The following CEP63 variants were observed in gnomAD, a reference collection of about 807,000 sequenced individuals.
CEP63 encodes centrosomal protein of 63 kDa.
Under a neutral mutation model 89.1 loss-of-function variants are expected in CEP63, and 84 were observed. The observed-to-expected ratio is 0.94, with a 90% CI of 0.79 to 1.13. CEP63 has a LOEUF of 1.13. Among genes scored for constraint, CEP63 ranks in the 50% most tolerant of loss-of-function variants. The probability of loss-of-function intolerance (pLI) is 0.00; values close to 1 mark genes in which losing one functional copy is unlikely to be tolerated. For missense variants in CEP63, 838 were observed against 813.3 expected (o/e 1.03, Z -0.37); for synonymous variants, 267 against 272.5 (o/e 0.98, Z 0.20).
chr3:134,668,184 A>G, the CEP63 span, among the ~76,000 whole-genome samples: 1 of 152,154 alleles, frequency 6.6e-6, no homozygotes, highest in Non-Finnish European at 1.5e-5. Context: ...AATACTTGGA[A>G]CTGGAAGTGT....
chr3:134,560,636 T>G (rs910552643), intron 14 of CEP63, among the ~76,000 whole-genome samples: 5 of 152,164 alleles, frequency 3.3e-5, no homozygotes, highest in African/African-American at 1.2e-4. Flanking sequence ...AGTTACCACT[T>G]CTGAACCTCA....
chr3:134,767,791 G>T, the CEP63 span, among the ~76,000 whole-genome samples: 1 of 152,216 alleles, frequency 6.6e-6, no homozygotes, highest in South Asian at 2.1e-4. Context: ...TGTGCCAGGT[G>T]CCATGCTCTG....
At chr3:134,508,869 T>C (rs1177489838) in intron 3 of CEP63, among the ~76,000 whole-genome samples, 1 of 152,178 alleles carries the variant, frequency 6.6e-6, no homozygotes, top group Non-Finnish European at 1.5e-5. Context: ...TGAAAGTTGA[T>C]TAAGTTTCTA....
chr3:134,649,908 G>A, the CEP63 span, among the ~76,000 whole-genome samples: 1 of 152,210 alleles, frequency 6.6e-6, no homozygotes, highest in East Asian at 1.9e-4. Flanking sequence ...GGGGAGGAGA[G>A]AGGCAGAAGT....
the CEP63 span, chr3:134,603,615 G>C: frequency 6.2e-7 from 1 of 1,600,348 alleles, no homozygotes; most frequent in Non-Finnish European, 8.5e-7. Flanking sequence ...GGATGTAGGA[G>C]TAGAAATTGT....
At chr3:134,602,489 G>A in the CEP63 span, among the ~76,000 whole-genome samples, 4 of 152,186 alleles carry the variant, frequency 2.6e-5, no homozygotes, top group African/African-American at 9.7e-5. Flanking sequence ...CTGCTCTCGT[G>A]CAGCTGGAAT....
the CEP63 span, among the ~76,000 whole-genome samples, chr3:134,707,057 G>T: frequency 2.6e-5 from 4 of 152,176 alleles, no homozygotes; most frequent in African/African-American, 7.2e-5. Context: ...GGTACTGGGG[G>T]TTAGGACTTG....
At chr3:134,682,639 A>T in the CEP63 span, among the ~76,000 whole-genome samples, 1 of 152,216 alleles carries the variant, frequency 6.6e-6, no homozygotes, top group Non-Finnish European at 1.5e-5. Flanking sequence ...CACCCACACA[A>T]GCAACCATTC....
chr3:134,760,235 T>C, the CEP63 span, among the ~76,000 whole-genome samples: 1 of 151,828 alleles, frequency 6.6e-6, no homozygotes, highest in Admixed American at 6.6e-5. Flanking sequence ...ATTTTTTGTA[T>C]TTTTTAGTAG....
chr3:134,683,154 C>G, the CEP63 span, among the ~76,000 whole-genome samples: 5 of 152,218 alleles, frequency 3.3e-5, no homozygotes, highest in Non-Finnish European at 5.9e-5. Flanking sequence ...AATGACATAT[C>G]TGCACCATGA....
chr3:134,748,127 G>A, the CEP63 span, among the ~76,000 whole-genome samples: 1 of 152,144 alleles, frequency 6.6e-6, no homozygotes, highest in Non-Finnish European at 1.5e-5. Context: ...GGGGTAGGGT[G>A]GGAGTTAGGG....
downstream of CEP63, among the ~76,000 whole-genome samples, chr3:134,590,911 A>ATC (rs1334429086): frequency 6.6e-6 from 1 of 152,160 alleles, no homozygotes; most frequent in Non-Finnish European, 1.5e-5. Flanking sequence ...GACTGTGTTC[A>ATC]TCCTGCTCAC....
the CEP63 span, among the ~76,000 whole-genome samples, chr3:134,626,053 A>G: frequency 2.0e-5 from 3 of 152,358 alleles, no homozygotes; most frequent in South Asian, 2.1e-4. Context: ...GTCCCGGCCC[A>G]GAAGAGAGCC....
chr3:134,657,795 G>A, the CEP63 span, among the ~76,000 whole-genome samples: 1 of 152,162 alleles, frequency 6.6e-6, no homozygotes, highest in South Asian at 2.1e-4. Context: ...CATTAGCTGT[G>A]TATGTCAACC....
chr3:134,554,554 G>A (rs1195917191), intron 12 of CEP63, among the ~76,000 whole-genome samples: 4 of 149,762 alleles, frequency 2.7e-5, no homozygotes, highest in African/African-American at 9.8e-5. Flanking sequence ...ACGTGTGCAT[G>A]TGTCTTTATA....
chr3:134,700,261 C>A, the CEP63 span, among the ~76,000 whole-genome samples: 1 of 152,200 alleles, frequency 6.6e-6, no homozygotes, highest in African/African-American at 2.4e-5. Context: ...CCATTCCTGC[C>A]GCGCTGGCCC....
Position 134,495,382 on chromosome 3 carries a change from A to T in CEP63, c.44+18A>T, listed in dbSNP as rs142116811. Reference sequence around the variant, plus strand: ...CATGGTGGGTAAGTTTGCTTTTTTTAAAATTAATTTTTTTGGTTAATACAT... The same window carrying T: ...CATGGTGGGTAAGTTTGCTTTTTTTTAAATTAATTTTTTTGGTTAATACAT... On this transcript the variant is annotated intron_variant, in intron 2 of 14. Transcript: ENST00000675561. 10 of 1,574,884 alleles carry T rather than the reference A, an allele frequency of 6.3e-6. No homozygotes were observed. In the South Asian group the frequency reaches 6.7e-5, roughly 10 times the overall value.
At chr3:134,533,269 C>T (rs1950191140) in intron 5 of CEP63, among the ~76,000 whole-genome samples, 1 of 152,272 alleles carries the variant, frequency 6.6e-6, no homozygotes, top group Admixed American at 6.5e-5. Flanking sequence ...GATTATTGTA[C>T]CTCAAATGCC....
intron 12 of CEP63, among the ~76,000 whole-genome samples, chr3:134,555,829 A>C (rs1369473538): frequency 6.6e-6 from 1 of 152,132 alleles, no homozygotes; most frequent in Non-Finnish European, 1.5e-5. Flanking sequence ...AATCCTAAGC[A>C]AAAAGAACAA....
Sources: gnomAD v4.1 joint callset for allele counts (sites outside exome capture counted in the v4.1 genomes callset) on GRCh38, gnomAD v4.1.1 for gene constraint, MANE v1.5 for transcripts, NCBI Gene and HGNC (gene_info 2026-07-23, HGNC 2026-07-21) for gene names.